Variants in SLC39A8 observed in about 807,000 individuals in gnomAD.
The protein encoded by SLC39A8 is metal cation symporter ZIP8.
Under a neutral mutation model 40.4 loss-of-function variants are expected in SLC39A8, and 15 were observed. The observed-to-expected ratio is 0.37, with a 90% CI of 0.25 to 0.57. The LOEUF (loss-of-function observed/expected upper bound fraction) is 0.57, where lower values mean the gene tolerates loss of function less well. SLC39A8 is among the 20% of genes least tolerant of loss of function. SLC39A8 has a pLI of 0.75. For synonymous variants in SLC39A8, 223 were observed against 221.6 expected, an observed-to-expected ratio of 1.01 and a Z score of -0.06; for missense variants, 472 against 558.8, an observed-to-expected ratio of 0.84 and a Z score of 1.57.
intron 3 of SLC39A8, among the ~76,000 whole-genome samples, chr4:102,314,278 C>A (rs141162375): frequency 2.0e-5 from 3 of 152,052 alleles, no homozygotes. Context: ...AAGTCCCCAT[C>A]ATCCTGGCAT....
In SLC39A8 at chr4:102,305,110, G is replaced by C; in HGVS notation, c.554C>G (p.Ala185Gly). Residue 185 changes from alanine to glycine, a missense_variant and splice_region_variant, in exon 5 of 9, where the codon GCA becomes GGA. Physicochemically the swap from Ala to Gly is moderately conservative, Grantham distance 60. Around this residue, in one of 4 missense-constraint regions of SLC39A8, gnomAD observed 239 missense variants for 317.9 expected, o/e 0.75. Coordinates refer to ENST00000356736, the MANE Select transcript of SLC39A8 (RefSeq NM_001135146.2). ...GTCGACTTTGGGATCAAATCCAAAT[G>C]CCTAAGGGAGAAAAAAGGGCAATTC... ...SNAIFQLIPE[A>G]FGFDPKVDSY... 6.2e-7 allele frequency: 1 copy of C among 1,600,662 alleles called. No homozygotes were observed. Among genetic ancestry groups the C allele is most frequent in the South Asian group, 1.1e-5 (1 of 87,600 alleles).
Position 102,307,461 on chromosome 4 carries a change from T to C in SLC39A8, c.527A>G (p.Asn176Ser). ...VGLAIGTLFS[N>S]AIFQLIPEAF... ...CTCTGGAATAAGTTGGAAAATTGCA[T>C]TTGAAAAAAGAGTCCCAATAGCCAG... Residue 176 changes from asparagine to serine, a missense_variant, in exon 4 of 9, where the codon AAT (asparagine) becomes AGT (serine). Around this residue, in one of 4 missense-constraint regions of SLC39A8, gnomAD observed 239 missense variants for 317.9 expected, o/e 0.75. Transcript: ENST00000356736. 6.2e-7 allele frequency: 1 copy of C among 1,613,188 alleles called. No homozygotes were observed. Among genetic ancestry groups the C allele is most frequent in the Middle Eastern group, 1.7e-4 (1 of 6,054 alleles).
At chr4:102,338,978 A>T (rs547731978) in intron 2 of SLC39A8, among the ~76,000 whole-genome samples, 1 of 152,356 alleles carries the variant, frequency 6.6e-6, no homozygotes, top group South Asian at 2.1e-4. Flanking sequence ...GTGGGTAAAG[A>T]TGTGATTTTG....
Position 102,263,211 on chromosome 4 carries a change from T to C in SLC39A8, c.1234-18A>G, listed in dbSNP as rs184747865. 36 of 1,606,728 alleles carry C rather than the reference T, an allele frequency of 2.2e-5. No individual in the cohort carries two copies. In the East Asian group the frequency reaches 7.6e-4, roughly 34 times the overall value. On this transcript the variant is annotated intron_variant, in intron 8 of 8. Coordinates refer to ENST00000356736, the MANE Select transcript of SLC39A8 (RefSeq NM_001135146.2). ...TCTGGAAACTAGAAGACAGATATATTGTTAGATAACTGTTGCCATCTTGTG... is the reference window on the plus strand; with the variant it reads ...TCTGGAAACTAGAAGACAGATATATCGTTAGATAACTGTTGCCATCTTGTG...
At chr4:102,254,183 C>T (rs1731657740) in intron 11 of SLC39A8, among the ~76,000 whole-genome samples, 1 of 152,140 alleles carries the variant, frequency 6.6e-6, no homozygotes, top group Admixed American at 6.5e-5. Context: ...GGAGAATTCT[C>T]CCATTTGTGC....
downstream of SLC39A8, among the ~76,000 whole-genome samples, chr4:102,257,026 T>G (rs1482761497): frequency 4.6e-5 from 7 of 152,196 alleles, no homozygotes; most frequent in African/African-American, 1.2e-4. Flanking sequence ...CAGCAACAGT[T>G]TTTTAGATGA....
At chr4:102,331,089 G>A (rs1414755654) in intron 2 of SLC39A8, among the ~76,000 whole-genome samples, 1 of 152,216 alleles carries the variant, frequency 6.6e-6, no homozygotes, top group South Asian at 2.1e-4. Context: ...GCAAAAGCTG[G>A]AAGCAGTCCC....
intron 6 of SLC39A8, among the ~76,000 whole-genome samples, chr4:102,279,999 T>C (rs1263552670): frequency 1.3e-5 from 2 of 152,198 alleles, no homozygotes; most frequent in African/African-American, 2.4e-5. Context: ...AAGGCCCTCA[T>C]GTCCAGGTGC....
intron 11 of SLC39A8, among the ~76,000 whole-genome samples, chr4:102,255,914 G>A (rs2298752): frequency 0.18 from 27,256 of 152,128 alleles, 2,731 homozygotes; most frequent in South Asian, 0.35. Flanking sequence ...CTATGACAGC[G>A]CAGGTGCTTT....
At chr4:102,323,973 C>G (rs1022134580) in intron 2 of SLC39A8, among the ~76,000 whole-genome samples, 1 of 152,064 alleles carries the variant, frequency 6.6e-6, no homozygotes, top group Non-Finnish European at 1.5e-5. Flanking sequence ...CAAAAATAAC[C>G]CTACAATAAG....
intron 6 of SLC39A8, among the ~76,000 whole-genome samples, chr4:102,277,350 C>T (rs1180368517): frequency 6.6e-6 from 1 of 152,116 alleles, no homozygotes; most frequent in Non-Finnish European, 1.5e-5. Flanking sequence ...CAATAACAGA[C>T]AAACAGAAAG....
At chr4:102,309,984 C>T (rs914037160) in intron 3 of SLC39A8, among the ~76,000 whole-genome samples, 2 of 152,004 alleles carry the variant, frequency 1.3e-5, no homozygotes, top group African/African-American at 2.4e-5. Flanking sequence ...TGGTGCCCCT[C>T]CTACTAGCTG....
intron 3 of SLC39A8, among the ~76,000 whole-genome samples, chr4:102,309,044 C>G (rs1316687776): frequency 6.6e-6 from 1 of 151,986 alleles, no homozygotes; most frequent in Non-Finnish European, 1.5e-5. Flanking sequence ...TTTTCAAAAG[C>G]CCAAAGGACT....
rs79410424 is a variant in SLC39A8, at chr4:102,291,429, T to G, written c.840+12888A>C. Among the ~76,000 whole-genome samples the G allele has an allele frequency of 6.0e-3, 917 of 152,106 alleles. 7 individuals are homozygous for G. The highest frequency in any genetic ancestry group is 0.038 in the South Asian group (181 of 4,810). On this transcript the variant is annotated intron_variant, in intron 6 of 8. Transcript: ENST00000356736. The stretch of plus-strand genomic sequence containing the variant: ...ATGGCAGATCTTCCCAATCTCCTCT[T>G]TCTTGAAAATTATTCCAAAATGTTC...
chr4:102,300,894 C>A (rs1733896368), intron 6 of SLC39A8, among the ~76,000 whole-genome samples: 2 of 151,992 alleles, frequency 1.3e-5, no homozygotes, highest in Non-Finnish European at 2.9e-5. Flanking sequence ...TCTTAAATTT[C>A]ATTTCTTTTG....
intron 7 of SLC39A8, 92 bp downstream of exon 7, chr4:102,267,780 A>T: frequency 6.5e-7 from 1 of 1,547,928 alleles, no homozygotes; most frequent in East Asian, 2.3e-5. Flanking sequence ...TTAGTGCATC[A>T]GAAGGATTTT....
At chr4:102,270,730 G>T (rs1292450854) in intron 6 of SLC39A8, among the ~76,000 whole-genome samples, 2 of 152,100 alleles carry the variant, frequency 1.3e-5, no homozygotes, top group African/African-American at 4.8e-5. Context: ...AGCAAGACTT[G>T]TAACACCTTT....
intron 2 of SLC39A8, among the ~76,000 whole-genome samples, chr4:102,321,411 G>A (rs959081301): frequency 3.3e-5 from 5 of 152,180 alleles, no homozygotes; most frequent in Admixed American, 6.5e-5. Flanking sequence ...TTTCCCGTGC[G>A]TGCAAGGGGC....
chr4:102,301,540 T>G (rs1426676972), intron 6 of SLC39A8, among the ~76,000 whole-genome samples: 1 of 152,074 alleles, frequency 6.6e-6, no homozygotes. Flanking sequence ...GAATAAACTG[T>G]AAGCTCCTCA....
Sources: gnomAD v4.1 joint callset for allele counts (sites outside exome capture counted in the v4.1 genomes callset) on GRCh38, gnomAD v4.1.1 for gene constraint, gnomAD v4.1.1 regional missense constraint, MANE v1.5 for transcripts, NCBI Gene and HGNC (gene_info 2026-07-23, HGNC 2026-07-21) for gene names.